Variants in RAB3C observed in about 807,000 individuals in gnomAD.
RAB3C encodes ras-related protein Rab-3C.
A neutral mutation model predicts 26.4 loss-of-function variants in RAB3C; 17 were observed. That is an observed-to-expected ratio of 0.64 (90% CI 0.44 to 0.97). The LOEUF is 0.97. Among genes scored for constraint, RAB3C ranks in the 50% least tolerant of loss-of-function variants. RAB3C has a pLI of 0.00. For missense variants in RAB3C, 242 were observed against 281.9 expected, an observed-to-expected ratio of 0.86 and a Z score of 1.01; for synonymous variants, 91 against 95.9, an observed-to-expected ratio of 0.95 and a Z score of 0.30.
intron 3 of RAB3C, among the ~76,000 whole-genome samples, chr5:58,774,533 T>G (rs1212670139): frequency 1.3e-5 from 2 of 152,132 alleles, no homozygotes; most frequent in Non-Finnish European, 2.9e-5. Context: ...ATAGAACATC[T>G]GCCCTTTAAT....
intron 3 of RAB3C, chr5:58,822,656 TAGTC>T: frequency 2.6e-6 from 1 of 391,516 alleles, no homozygotes; most frequent in Middle Eastern, 8.9e-4. Context: ...TACAGGGTGA[TAGTC>T]TGTGTAACAA....
At chr5:58,745,423 A>AAAAAAAAAAAAAAAT (rs1579894952) in intron 3 of RAB3C, among the ~76,000 whole-genome samples, 1 of 150,120 alleles carries the variant, frequency 6.7e-6, no homozygotes, top group African/African-American at 2.5e-5. Context: ...AAAAAAAGAA[A>AAAAAAAAAAAAAAAT]GTAGATGGGG....
At chr5:58,755,345 G>A (rs1267383125) in intron 3 of RAB3C, among the ~76,000 whole-genome samples, 1 of 152,146 alleles carries the variant, frequency 6.6e-6, no homozygotes, top group Non-Finnish European at 1.5e-5. Flanking sequence ...CTGGTGATCT[G>A]TTTTTATTTG....
chr5:58,842,846 C>A (rs1743904472), intron 4 of RAB3C, among the ~76,000 whole-genome samples: 1 of 152,270 alleles, frequency 6.6e-6, no homozygotes, highest in South Asian at 2.1e-4. Flanking sequence ...TAGATATAGA[C>A]CTCGAGAAGA....
intron 2 of RAB3C, among the ~76,000 whole-genome samples, chr5:58,643,977 T>A (rs374654718): frequency 1.3e-5 from 2 of 152,020 alleles, no homozygotes; most frequent in African/African-American, 2.4e-5. Context: ...CCTGCCATGA[T>A]GCCTGACTAA....
intron 3 of RAB3C, among the ~76,000 whole-genome samples, chr5:58,806,626 A>G (rs1742945101): frequency 1.3e-5 from 2 of 152,138 alleles, no homozygotes; most frequent in African/African-American, 4.8e-5. Flanking sequence ...GCATGGAAGG[A>G]TATTTAATAG....
intron 2 of RAB3C, among the ~76,000 whole-genome samples, chr5:58,715,431 A>G (rs2111903123): frequency 6.6e-6 from 1 of 152,162 alleles, no homozygotes; most frequent in Non-Finnish European, 1.5e-5. Flanking sequence ...TTGTATCTTT[A>G]AAAGTACGGA....
chr5:58,799,225 A>C (rs1742745618), intron 3 of RAB3C, among the ~76,000 whole-genome samples: 1 of 152,226 alleles, frequency 6.6e-6, no homozygotes, highest in African/African-American at 2.4e-5. Flanking sequence ...TTACTTTGAA[A>C]TAGATCAACA....
intron 3 of RAB3C, among the ~76,000 whole-genome samples, chr5:58,789,563 A>C (rs2112012226): frequency 6.6e-6 from 1 of 152,288 alleles, no homozygotes; most frequent in Non-Finnish European, 1.5e-5. Flanking sequence ...AATAAGAAAA[A>C]TGTTAGGGCT....
intron 2 of RAB3C, among the ~76,000 whole-genome samples, chr5:58,621,057 A>G (rs1746926737): frequency 6.6e-6 from 1 of 152,186 alleles, no homozygotes; most frequent in Non-Finnish European, 1.5e-5. Context: ...ATGGCTTGTC[A>G]TCTCATTGTG....
Position 58,639,699 on chromosome 5 carries a change from C to A in RAB3C, c.252+21829C>A, listed in dbSNP as rs146870039. 4.1e-4 allele frequency among the ~76,000 whole-genome samples: 63 copies of A among 152,256 alleles called. 2 individuals carry two copies. The highest frequency in any genetic ancestry group is 5.9e-5 in the Non-Finnish European group (4 of 68,022). On this transcript the variant is annotated intron_variant, in intron 2 of 4. Transcript: ENST00000282878. ...TTGGGAGAACACAAACTTTCAGTCT[C>A]CTCAGTCTTGCTCCCTGTTGCTTCA... is the stretch of plus-strand genomic sequence containing the variant.
chr5:58,647,360 G>C (rs1242439362), intron 2 of RAB3C, among the ~76,000 whole-genome samples: 5 of 152,174 alleles, frequency 3.3e-5, no homozygotes, highest in African/African-American at 1.2e-4. Context: ...GGGAGCAGGA[G>C]AGAGAAGAGT....
chr5:58,760,254 G>T (rs1419281619), intron 3 of RAB3C, among the ~76,000 whole-genome samples: 1 of 152,000 alleles, frequency 6.6e-6, no homozygotes, highest in Non-Finnish European at 1.5e-5. Flanking sequence ...CTTACTTGTT[G>T]TCTACCATGA....
chr5:58,724,263 C>A (rs1740833236), intron 2 of RAB3C, among the ~76,000 whole-genome samples: 1 of 151,708 alleles, frequency 6.6e-6, no homozygotes, highest in South Asian at 2.1e-4. Flanking sequence ...TCATGGAACC[C>A]TAACAAGCAT....
chr5:58,602,901 A>G (rs1416498132), intron 1 of RAB3C, among the ~76,000 whole-genome samples: 4 of 151,924 alleles, frequency 2.6e-5, no homozygotes, highest in Non-Finnish European at 5.9e-5. Context: ...TTTTTGTTTT[A>G]TAGGTCCTGT....
rs1234696504 is a variant in RAB3C at position 58,856,268 on chromosome 5, G to A, written c.*4917G>A. 6.6e-6 allele frequency: 1 copy of A among 151,684 alleles called. No individual in the cohort carries two copies. Among genetic ancestry groups the A allele is most frequent in the Non-Finnish European group, 1.5e-5 (1 of 67,970 alleles). 9.4% of individuals were successfully genotyped at this position (151,684 alleles called of 1,614,324 possible). A position where few individuals can be genotyped will look rare whatever the true frequency, so the allele number is the denominator to read the frequency against. ...GTAATTAATTTCCTCCAAACAGAGA[G>A]AGTGGAGGGGAAATAAATTTTGCAA... On this transcript the variant is annotated 3_prime_UTR_variant, in exon 5 of 5. Transcript: ENST00000282878.
At chr5:58,784,589 T>G (rs399056) in intron 3 of RAB3C, 119,143 of 152,024 alleles carry the variant, frequency 0.78, 46,849 homozygotes, top group African/African-American at 0.83. Context: ...GAAAAAAATG[T>G]GTTACAAGCC....
At chr5:58,643,289 T>C (rs1561276497) in intron 2 of RAB3C, among the ~76,000 whole-genome samples, 1 of 152,188 alleles carries the variant, frequency 6.6e-6, no homozygotes, top group African/African-American at 2.4e-5. Flanking sequence ...TGAAAGAACA[T>C]TGTCCTTTTA....
chr5:58,588,973 T>A (rs1371018805), intron 1 of RAB3C, among the ~76,000 whole-genome samples: 1 of 152,156 alleles, frequency 6.6e-6, no homozygotes, highest in Non-Finnish European at 1.5e-5. Flanking sequence ...GACATCCTTA[T>A]CTTGTTCCCC....
Sources: gnomAD v4.1 joint callset for allele counts (sites outside exome capture counted in the v4.1 genomes callset) on GRCh38, gnomAD v4.1.1 for gene constraint, MANE v1.5 for transcripts, NCBI Gene and HGNC (gene_info 2026-07-23, HGNC 2026-07-21) for gene names.